Variants in CDYL2 observed in about 807,000 individuals in gnomAD.
CDYL2 encodes the protein chromodomain Y-like protein 2.
CDYL2 carries 23 observed loss-of-function variants against 49.4 expected under a neutral mutation model. That is an observed-to-expected ratio of 0.47 (90% confidence interval 0.34 to 0.66). CDYL2 has a LOEUF of 0.66. Among genes scored for constraint, CDYL2 ranks in the 30% least tolerant of loss-of-function variants. The pLI is 0.01. For synonymous variants in CDYL2, 360 were observed against 268.8 expected (o/e 1.34, Z -3.32); for missense variants, 678 against 656.4 (o/e 1.03, Z -0.36).
chr16:80,675,596 G>C (rs990707854), intron 2 of CDYL2, among the ~76,000 whole-genome samples: 16 of 152,164 alleles, frequency 1.1e-4, no homozygotes, highest in African/African-American at 2.9e-4. Context: ...CACCTCAATG[G>C]GGAGAGTGGC....
At chr16:80,786,109 A>T (rs1469105495) in intron 1 of CDYL2, among the ~76,000 whole-genome samples, 1 of 152,242 alleles carries the variant, frequency 6.6e-6, no homozygotes, top group Non-Finnish European at 1.5e-5. Flanking sequence ...CAAAATTGAC[A>T]AATGGAATCT....
At chr16:80,788,784 G>A (rs1012757995) in intron 1 of CDYL2, among the ~76,000 whole-genome samples, 4 of 152,130 alleles carry the variant, frequency 2.6e-5, no homozygotes, top group South Asian at 2.1e-4. Flanking sequence ...TACCATACAC[G>A]TGGAGAATTT....
Position 80,659,363 on chromosome 16 carries a change from A to C in CDYL2, c.616+25175T>G, listed in dbSNP as rs1193954619. ...CTAGACTGTATTCTATATTGGAAGA[A>C]ATAAATATCTAAAAGACATTATTGC... On this transcript the variant is annotated intron_variant, in intron 2 of 6. Coordinates refer to ENST00000570137, the MANE Select transcript of CDYL2 (RefSeq NM_152342.4). Among the ~76,000 whole-genome samples the C allele has an allele frequency of 2.0e-5, 3 of 152,232 alleles. No homozygotes were observed. The South Asian group carries it at 6.2e-4, about 32-fold the overall frequency.
intron 1 of CDYL2, among the ~76,000 whole-genome samples, chr16:80,733,395 C>A (rs997779719): frequency 6.6e-6 from 1 of 152,168 alleles, no homozygotes; most frequent in African/African-American, 2.4e-5. Flanking sequence ...GCCATTTGGG[C>A]TTGCAACGGC....
chr16:80,667,844 A>G (rs1412346201), intron 2 of CDYL2, among the ~76,000 whole-genome samples: 3 of 152,198 alleles, frequency 2.0e-5, no homozygotes, highest in African/African-American at 7.2e-5. Flanking sequence ...TGAGGTATGA[A>G]TATCTGCATC....
intron 1 of CDYL2, among the ~76,000 whole-genome samples, chr16:80,803,526 TG>T (rs1047334167): frequency 6.6e-6 from 1 of 151,542 alleles, no homozygotes; most frequent in Non-Finnish European, 1.5e-5. Flanking sequence ...GGGCAGCAGG[TG>T]GGGGGTGAGG....
intron 1 of CDYL2, among the ~76,000 whole-genome samples, chr16:80,772,663 G>A (rs1051238461): frequency 6.6e-6 from 1 of 152,086 alleles, no homozygotes; most frequent in Non-Finnish European, 1.5e-5. Context: ...GTGTTAGCCA[G>A]GATGGTCTCA....
At chr16:80,635,768 C>T (rs1348522470) in intron 2 of CDYL2, among the ~76,000 whole-genome samples, 2 of 152,100 alleles carry the variant, frequency 1.3e-5, no homozygotes, top group African/African-American at 4.8e-5. Flanking sequence ...CAATCCTAAG[C>T]AAAAAGAACA....
Position 80,749,472 on chromosome 16 carries a change from C to T in CDYL2, c.24+54678G>A, listed in dbSNP as rs545266629. ...TAAATACCAAAACCCAGAAATTAAC[C>T]CCCTATTTAGTCTGTCCAGAAAACA... On this transcript the variant is annotated intron_variant, in intron 1 of 6. Transcript: ENST00000570137. Among the ~76,000 whole-genome samples, 4 of 152,102 alleles carry T rather than the reference C, an allele frequency of 2.6e-5. No individual in the cohort carries two copies. In the South Asian group the frequency reaches 8.3e-4, roughly 32 times the overall value.
intron 1 of CDYL2, among the ~76,000 whole-genome samples, chr16:80,728,660 T>C (rs1340268991): frequency 1.3e-5 from 2 of 151,430 alleles, no homozygotes; most frequent in Non-Finnish European, 3.0e-5. Context: ...TTCACCAAAG[T>C]TGAAATGAAG....
intron 1 of CDYL2, among the ~76,000 whole-genome samples, chr16:80,775,638 C>T (rs529115301): frequency 1.3e-5 from 2 of 151,794 alleles, no homozygotes; most frequent in South Asian, 2.1e-4. Context: ...AAAGAATGAT[C>T]AACAGAAAAT....
intron 2 of CDYL2, among the ~76,000 whole-genome samples, chr16:80,680,938 A>C (rs1340095111): frequency 6.6e-6 from 1 of 152,128 alleles, no homozygotes; most frequent in East Asian, 1.9e-4. Context: ...GCCCCGGACC[A>C]CAAAGCCAGT....
chr16:80,619,152 C>A (rs1025292700), intron 4 of CDYL2, among the ~76,000 whole-genome samples: 74 of 152,194 alleles, frequency 4.9e-4, no homozygotes, highest in African/African-American at 1.6e-3. Context: ...ACATTACCTT[C>A]TCCTGTCTCT....
In CDYL2 at chr16:80,747,119, A is replaced by G. The variant is rs1905959948; in HGVS notation, c.24+57031T>C. Among the ~76,000 whole-genome samples, 5 of 152,200 alleles carry G rather than the reference A, an allele frequency of 3.3e-5. No homozygotes were observed. The South Asian group carries it at 1.0e-3, about 31-fold the overall frequency. ...GGCATAGAAATCTCTCTCTGTACTC[A>G]AAAGAAAATCAGCAAAACAAAATAA... On this transcript the variant is annotated intron_variant, in intron 1 of 6. Coordinates refer to ENST00000570137, the MANE Select transcript of CDYL2 (RefSeq NM_152342.4).
At position 80,684,628 on chromosome 16, in the gene CDYL2, G is replaced by T; in HGVS notation, c.526C>A (p.Gln176Lys). 1 of 1,614,196 alleles carries T rather than the reference G, an allele frequency of 6.2e-7. No homozygotes were observed. Among genetic ancestry groups the T allele is most frequent in the Non-Finnish European group, 8.5e-7 (1 of 1,180,030 alleles). Residue 176 changes from glutamine to lysine, a missense_variant, in exon 2 of 7, where the codon CAG (glutamine) becomes AAG (lysine). Physicochemically the swap from Gln to Lys is moderately conservative, Grantham distance 53 (BLOSUM62 1). Transcript: ENST00000570137. ...DERHFGNGSH[Q>K]PGLDLNDHVG... ...TGATCATTCAAATCCAAGCCAGGCT[G>T]ATGGGACCCATTTCCAAAGTGCCTC...
chr16:80,682,875 G>A (rs1007483463), intron 2 of CDYL2, among the ~76,000 whole-genome samples: 1 of 152,178 alleles, frequency 6.6e-6, no homozygotes, highest in Non-Finnish European at 1.5e-5. Context: ...ATGTTCACAG[G>A]CACAGTCACG....
At chr16:80,647,011 G>C (rs1908379625) in intron 2 of CDYL2, among the ~76,000 whole-genome samples, 1 of 151,866 alleles carries the variant, frequency 6.6e-6, no homozygotes, top group Admixed American at 6.6e-5. Flanking sequence ...GATAAAGAGG[G>C]TCATTATATA....
At chr16:80,677,674 G>C (rs1909808684) in intron 2 of CDYL2, among the ~76,000 whole-genome samples, 2 of 151,984 alleles carry the variant, frequency 1.3e-5, no homozygotes. Context: ...AGGAGGCGGA[G>C]CTTGCAGTGA....
intron 2 of CDYL2, among the ~76,000 whole-genome samples, chr16:80,669,325 C>A (rs940263564): frequency 2.0e-5 from 3 of 152,134 alleles, no homozygotes; most frequent in African/African-American, 7.2e-5. Flanking sequence ...CAAGGCCCCA[C>A]AGCCCAGGAC....
Sources: allele counts gnomAD v4.1 joint callset (sites outside exome capture counted in the v4.1 genomes callset), GRCh38; gene constraint gnomAD v4.1.1; transcripts MANE v1.5; gene names NCBI Gene and HGNC (gene_info 2026-07-23, HGNC 2026-07-21).